Variants in ZNF438 observed in about 807,000 individuals in gnomAD.
ZNF438 encodes the protein zinc finger protein 438.
In ZNF438, 25 loss-of-function variants were observed where a neutral mutation model predicts 38.0. The ratio of observed to expected loss-of-function variants is 0.66; its 90% CI spans 0.48 to 0.92. The LOEUF (loss-of-function observed/expected upper bound fraction) is 0.92. Among genes scored for constraint, ZNF438 ranks in the 40% least tolerant of loss-of-function variants. ZNF438 has a pLI of 0.00. For missense variants in ZNF438, 1,007 were observed against 999.6 expected (o/e 1.01, Z -0.10); for synonymous variants, 372 against 364.1 (o/e 1.02, Z -0.25).
At chr10:31,026,563 T>A (rs988958791) in intron 1 of ZNF438, among the ~76,000 whole-genome samples, 1 of 152,174 alleles carries the variant, frequency 6.6e-6, no homozygotes, top group African/African-American at 2.4e-5. Flanking sequence ...ACCAGTTAGA[T>A]TGGCGATCAT....
At chr10:31,024,813 G>A (rs1171030154) in intron 1 of ZNF438, among the ~76,000 whole-genome samples, 1 of 152,078 alleles carries the variant, frequency 6.6e-6, no homozygotes, top group Non-Finnish European at 1.5e-5. Context: ...ATGTGAAAAG[G>A]ATTTTGACAG....
At chr10:30,954,341 G>A (rs941140543) in intron 1 of ZNF438, among the ~76,000 whole-genome samples, 2 of 152,112 alleles carry the variant, frequency 1.3e-5, no homozygotes, top group African/African-American at 2.4e-5. Flanking sequence ...AAACTAAACA[G>A]TTTCTCATCC....
At chr10:30,890,412 C>T (rs1329134214) in intron 3 of ZNF438, among the ~76,000 whole-genome samples, 1 of 152,126 alleles carries the variant, frequency 6.6e-6, no homozygotes, top group Non-Finnish European at 1.5e-5. Context: ...ATTTTTAATT[C>T]CCAGGTTCCA....
intron 1 of ZNF438, among the ~76,000 whole-genome samples, chr10:30,959,899 T>C (rs2049283306): frequency 6.8e-6 from 1 of 147,372 alleles, no homozygotes; most frequent in African/African-American, 2.4e-5. Context: ...CTACCAACAA[T>C]GTATAATATG....
intron 1 of ZNF438, among the ~76,000 whole-genome samples, chr10:31,013,048 G>A (rs1367293247): frequency 1.3e-5 from 2 of 152,058 alleles, no homozygotes; most frequent in Admixed American, 6.5e-5. Context: ...GGCCGGGCGC[G>A]GTGGCTCACG....
intron 4 of ZNF438, among the ~76,000 whole-genome samples, chr10:30,856,512 A>G (rs1157788963): frequency 3.9e-5 from 6 of 152,222 alleles, no homozygotes; most frequent in Admixed American, 3.9e-4. Context: ...ATATAGTTAT[A>G]CAACAGTGGT....
chr10:30,898,685 A>G (rs991946813), intron 3 of ZNF438, among the ~76,000 whole-genome samples: 14 of 152,298 alleles, frequency 9.2e-5, no homozygotes, highest in African/African-American at 3.1e-4. Flanking sequence ...AAGAACAGAT[A>G]TTTTGATTTT....
chr10:30,989,752 C>T (rs977130105), intron 1 of ZNF438, among the ~76,000 whole-genome samples: 1 of 152,136 alleles, frequency 6.6e-6, no homozygotes, highest in African/African-American at 2.4e-5. Flanking sequence ...TAGGACTTTC[C>T]AGTTCTATAA....
At chr10:30,887,546 G>A (rs892890520) in intron 3 of ZNF438, among the ~76,000 whole-genome samples, 4 of 152,038 alleles carry the variant, frequency 2.6e-5, no homozygotes, top group South Asian at 2.1e-4. Flanking sequence ...CAGCCATCAC[G>A]TCCAGCTAAT....
At chr10:30,849,724 C>G in exon 5 of ZNF438, 2 of 1,614,172 alleles carry the variant, frequency 1.2e-6, no homozygotes, top group Non-Finnish European at 1.7e-6. Flanking sequence ...GCTTGGCAGG[C>G]TCCTCTGGTG....
chr10:30,936,828 C>CT (rs977498992), intron 2 of ZNF438, among the ~76,000 whole-genome samples: 6 of 152,012 alleles, frequency 3.9e-5, no homozygotes, highest in Non-Finnish European at 5.9e-5. Context: ...TGATGTTGAG[C>CT]TTTTTTTTAA....
chr10:31,024,496 C>A (rs2056813659), intron 1 of ZNF438, among the ~76,000 whole-genome samples: 1 of 152,072 alleles, frequency 6.6e-6, no homozygotes, highest in African/African-American at 2.4e-5. Flanking sequence ...GGCTTGGTGG[C>A]GGGTGCCTGC....
chr10:31,015,559 G>A (rs2056126685), intron 1 of ZNF438, among the ~76,000 whole-genome samples: 1 of 152,150 alleles, frequency 6.6e-6, no homozygotes, highest in Non-Finnish European at 1.5e-5. Flanking sequence ...CAGGAGAATT[G>A]CTTGAACCTG....
intron 2 of ZNF438, among the ~76,000 whole-genome samples, chr10:30,939,836 T>C (rs139251497): frequency 1.2e-4 from 19 of 152,342 alleles, no homozygotes; most frequent in Admixed American, 3.9e-4. Context: ...TTGTACACCA[T>C]GGCTGCCCAT....
intron 2 of ZNF438, among the ~76,000 whole-genome samples, chr10:30,913,736 G>A (rs182970043): frequency 7.4e-4 from 113 of 152,236 alleles, no homozygotes; most frequent in African/African-American, 2.0e-3. Context: ...AGAGAATTAC[G>A]TGGGTAATCA....
chr10:30,895,694 C>G (rs3006599), intron 3 of ZNF438, among the ~76,000 whole-genome samples: 118,746 of 152,136 alleles, frequency 0.78, 47,122 homozygotes, highest in African/African-American at 0.89. Flanking sequence ...CAGAGCGAAG[C>G]ATTTGTATAG....
chr10:30,954,479 C>G (rs1485800799), intron 1 of ZNF438, among the ~76,000 whole-genome samples: 1 of 152,146 alleles, frequency 6.6e-6, no homozygotes, highest in Non-Finnish European at 1.5e-5. Context: ...TGTAAAACAC[C>G]TTGTTGAGAC....
At chr10:30,947,425 C>G (rs900736000) in intron 1 of ZNF438, among the ~76,000 whole-genome samples, 2 of 152,254 alleles carry the variant, frequency 1.3e-5, no homozygotes, top group African/African-American at 2.4e-5. Flanking sequence ...TTGCTCTCTT[C>G]AAAGCTGTCA....
chr10:30,923,699 C>A (rs2044589832), intron 2 of ZNF438, among the ~76,000 whole-genome samples: 1 of 152,164 alleles, frequency 6.6e-6, no homozygotes, highest in Non-Finnish European at 1.5e-5. Context: ...ATACCATATG[C>A]TGGCTTAACT....
Sources: gnomAD v4.1 joint callset for allele counts (sites outside exome capture counted in the v4.1 genomes callset) on GRCh38, gnomAD v4.1.1 for gene constraint, MANE v1.5 for transcripts, NCBI Gene and HGNC (gene_info 2026-07-23, HGNC 2026-07-21) for gene names.